The following KALRN variants were observed in gnomAD, a reference collection of about 807,000 sequenced individuals.
KALRN encodes the protein kalirin.
A neutral mutation model predicts 353.7 loss-of-function variants in KALRN; 70 were observed. The observed-to-expected ratio is 0.20, with a 90% CI of 0.16 to 0.24. The LOEUF (loss-of-function observed/expected upper bound fraction) is 0.24, where lower values mean the gene tolerates loss of function less well. Among genes scored for constraint, KALRN ranks in the 10% least tolerant of loss-of-function variants. The pLI, the probability that KALRN is intolerant of heterozygous loss-of-function variation, is 1.00. For synonymous variants in KALRN, 1,391 were observed against 1,434.8 expected (o/e 0.97, Z 0.69); for missense variants, 2,791 against 3,756.7 (o/e 0.74, Z 6.72).
chr3:124,303,675 T>C (rs1324087424), intron 6 of KALRN, among the ~76,000 whole-genome samples: 1 of 152,206 alleles, frequency 6.6e-6, no homozygotes, highest in Non-Finnish European at 1.5e-5. Context: ...TTTTAAAATA[T>C]GAAATGATAT....
intron 6 of KALRN, among the ~76,000 whole-genome samples, chr3:124,323,171 A>G (rs1489943698): frequency 6.6e-6 from 1 of 152,106 alleles, no homozygotes; most frequent in Non-Finnish European, 1.5e-5. Context: ...TTTAGTTTTA[A>G]TCTATGATCA....
At chr3:124,041,260 T>C (rs1306610073) in intron 1 of KALRN, among the ~76,000 whole-genome samples, 2 of 152,116 alleles carry the variant, frequency 1.3e-5, no homozygotes, top group East Asian at 1.9e-4. Context: ...CTTGGACAAA[T>C]GACTTTAACA....
rs1403851652 is a variant in KALRN at position 124,718,930 on chromosome 3, A to G, written c.8421A>G (p.Glu2807=). 1 of 1,613,694 alleles carries G rather than the reference A, an allele frequency of 6.2e-7. No homozygotes were observed. The highest frequency in any genetic ancestry group is 8.5e-7 in the Non-Finnish European group (1 of 1,179,580). The change falls in exon 60 of 60, where the codon GAA becomes GAG. Residue 2807 remains glutamate, a synonymous_variant. Coordinates refer to ENST00000682506, the MANE Select transcript of KALRN (RefSeq NM_001388419.1). The part of the protein sequence containing the change: ...CRVAHLDIKP[E]NLLIDLRIPV... ...GCTTCCTTGGATCTCTGCAGCCTGA[A>G]AACCTGCTCATTGACCTACGGATTC...
At chr3:124,481,987 A>T (rs557723680) in intron 27 of KALRN, among the ~76,000 whole-genome samples, 1 of 152,300 alleles carries the variant, frequency 6.6e-6, no homozygotes, top group Admixed American at 6.5e-5. Flanking sequence ...CCTTTCTCTG[A>T]CCCTTAGAAC....
At chr3:124,057,497 C>A (rs1237800276) in intron 1 of KALRN, among the ~76,000 whole-genome samples, 1 of 152,028 alleles carries the variant, frequency 6.6e-6, no homozygotes, top group African/African-American at 2.4e-5. Flanking sequence ...ATTCAGCATC[C>A]AGGGCATCTG....
chr3:124,616,624 G>T (rs2078627492), intron 34 of KALRN, among the ~76,000 whole-genome samples: 1 of 152,114 alleles, frequency 6.6e-6, no homozygotes, highest in African/African-American at 2.4e-5. Context: ...TAAAGAAAAA[G>T]GTGGCTTTCT....
At chr3:124,676,252 T>C (rs933775639) in intron 49 of KALRN, among the ~76,000 whole-genome samples, 4 of 152,120 alleles carry the variant, frequency 2.6e-5, no homozygotes, top group Admixed American at 2.0e-4. Flanking sequence ...GAAATACAAA[T>C]GGGTCATTTT....
intron 33 of KALRN, among the ~76,000 whole-genome samples, chr3:124,556,384 A>G (rs1191884343): frequency 1.3e-5 from 2 of 152,202 alleles, no homozygotes; most frequent in Non-Finnish European, 2.9e-5. Flanking sequence ...ATGCCCAGAC[A>G]TTGCTTTACA....
intron 36 of KALRN, among the ~76,000 whole-genome samples, chr3:124,635,401 C>T (rs756182379): frequency 3.9e-5 from 6 of 152,182 alleles, no homozygotes; most frequent in Non-Finnish European, 7.3e-5. Flanking sequence ...ATGGATGTTA[C>T]ATTGTTTCTG....
At chr3:124,136,022 G>C (rs966354056) in intron 1 of KALRN, among the ~76,000 whole-genome samples, 1 of 152,030 alleles carries the variant, frequency 6.6e-6, no homozygotes, top group Non-Finnish European at 1.5e-5. Flanking sequence ...CTTCTCACTT[G>C]CCTGCATACC....
intron 30 of KALRN, 33 bp downstream of exon 30, chr3:124,490,917 C>A: frequency 6.4e-7 from 1 of 1,574,426 alleles, no homozygotes; most frequent in South Asian, 1.1e-5. Flanking sequence ...GACAAGACTC[C>A]CTGCTTTCAT....
At chr3:124,183,323 G>C (rs2073850137) in intron 1 of KALRN, among the ~76,000 whole-genome samples, 1 of 152,176 alleles carries the variant, frequency 6.6e-6, no homozygotes, top group African/African-American at 2.4e-5. Context: ...TGCTTCTGGT[G>C]AGGTCTCAGG....
chr3:124,385,316 G>C (rs1288954524), intron 11 of KALRN, among the ~76,000 whole-genome samples: 1 of 152,114 alleles, frequency 6.6e-6, no homozygotes, highest in African/African-American at 2.4e-5. Context: ...CTGGAGAAAT[G>C]TGGGAATCCC....
chr3:124,644,172 A>G (rs929187351), intron 37 of KALRN, among the ~76,000 whole-genome samples: 1 of 151,270 alleles, frequency 6.6e-6, no homozygotes, highest in Non-Finnish European at 1.5e-5. Flanking sequence ...TTTATTTTCT[A>G]TCCGTGTATA....
intron 34 of KALRN, among the ~76,000 whole-genome samples, chr3:124,600,383 T>C (rs1230058197): frequency 6.6e-6 from 1 of 152,236 alleles, no homozygotes; most frequent in Non-Finnish European, 1.5e-5. Flanking sequence ...TTATGTTATA[T>C]TGGTTTCAAC....
chr3:124,538,260 T>TTG (rs113800335), intron 33 of KALRN, among the ~76,000 whole-genome samples: 2,825 of 149,910 alleles, frequency 0.019, 42 homozygotes, highest in African/African-American at 0.043. Flanking sequence ...GTGTGTGTGT[T>TTG]TGTGTGTGTG....
At chr3:124,233,883 A>G (rs2079457156) in intron 2 of KALRN, among the ~76,000 whole-genome samples, 1 of 152,226 alleles carries the variant, frequency 6.6e-6, no homozygotes, top group East Asian at 1.9e-4. Context: ...TGTAATGGCC[A>G]GTGCCCTGTA....
chr3:124,130,354 A>C (rs1030774332), intron 1 of KALRN, among the ~76,000 whole-genome samples: 3 of 152,162 alleles, frequency 2.0e-5, no homozygotes, highest in Admixed American at 1.3e-4. Context: ...ATGGTTAGGT[A>C]GTTTACTATT....
At chr3:124,560,790 T>A (rs186104056) in intron 33 of KALRN, among the ~76,000 whole-genome samples, 3 of 152,198 alleles carry the variant, frequency 2.0e-5, no homozygotes, top group East Asian at 3.9e-4. Flanking sequence ...GGTGGGAGGA[T>A]CACTTGAGCC....
Sources: allele counts gnomAD v4.1 joint callset (sites outside exome capture counted in the v4.1 genomes callset), GRCh38; gene constraint gnomAD v4.1.1; transcripts MANE v1.5; gene names NCBI Gene and HGNC (gene_info 2026-07-23, HGNC 2026-07-21).